The following CNTLN variants were observed in gnomAD, a reference collection of about 807,000 sequenced individuals.
CNTLN encodes centlein.
Under a neutral mutation model 180.0 loss-of-function variants are expected in CNTLN, and 212 were observed. That is an observed-to-expected ratio of 1.18 (90% CI 1.05 to 1.32). The LOEUF (loss-of-function observed/expected upper bound fraction) is 1.32. CNTLN is among the 40% of genes most tolerant of loss of function. The pLI is 0.00. For synonymous variants in CNTLN, 722 were observed against 563.1 expected (o/e 1.28, Z -3.99); for missense variants, 2,095 against 1,610.9 (o/e 1.30, Z -5.14).
At chr9:17,384,987 T>A (rs1052736328) in intron 13 of CNTLN, among the ~76,000 whole-genome samples, 1 of 152,214 alleles carries the variant, frequency 6.6e-6, no homozygotes, top group Non-Finnish European at 1.5e-5. Flanking sequence ...AGTCCCAGGT[T>A]TCCACCTGTA....
chr9:17,148,278 A>C (rs953708550), intron 2 of CNTLN, among the ~76,000 whole-genome samples: 4 of 152,348 alleles, frequency 2.6e-5, no homozygotes, highest in Non-Finnish European at 5.9e-5. Flanking sequence ...TCTAGTTATT[A>C]ACAGTAATGT....
chr9:17,429,616 T>C (rs920207052), intron 18 of CNTLN, among the ~76,000 whole-genome samples: 6 of 152,014 alleles, frequency 3.9e-5, no homozygotes, highest in African/African-American at 1.4e-4. Flanking sequence ...CATGAGTTAA[T>C]TGGATAAGAA....
chr9:17,210,831 C>T (rs1488291970), intron 2 of CNTLN, among the ~76,000 whole-genome samples: 1 of 152,142 alleles, frequency 6.6e-6, no homozygotes. Context: ...TTTCATGTGT[C>T]TGTTGGCTGC....
chr9:17,425,916 C>T (rs1250036359), intron 18 of CNTLN, among the ~76,000 whole-genome samples: 3 of 152,102 alleles, frequency 2.0e-5, no homozygotes, highest in African/African-American at 7.2e-5. Flanking sequence ...AATTATTAAG[C>T]ATAAGTATAC....
chr9:17,135,065 C>G lies in CNTLN; in HGVS notation c.-1C>G, dbSNP rs781205814. 2.5e-6 allele frequency: 4 copies of G among 1,595,650 alleles called. No individual in the cohort carries two copies. In the African/African-American group the frequency reaches 5.3e-5, roughly 21 times the overall value. ...AACTTGACCCGTTAGCAGCCGCAGC[C>G]ATGGCGGCGCGTTCGCCTCCCTCAC... On this transcript the variant is annotated 5_prime_UTR_variant, in exon 1 of 26. Transcript: ENST00000380647.
At chr9:17,346,406 A>G (rs10119370) in intron 12 of CNTLN, among the ~76,000 whole-genome samples, 90,868 of 151,954 alleles carry the variant, frequency 0.6, 27,446 homozygotes, top group East Asian at 0.73. Context: ...AACACCTAGG[A>G]GATTATGGGG....
At chr9:17,423,590 C>T (rs192109090) in intron 18 of CNTLN, among the ~76,000 whole-genome samples, 3 of 152,224 alleles carry the variant, frequency 2.0e-5, no homozygotes, top group East Asian at 1.9e-4. Context: ...GTTCAACTGG[C>T]TCCAAGCCCA....
At position 17,358,382 on chromosome 9, in the gene CNTLN, A is replaced by G. The variant is rs4961546; in HGVS notation, c.1887-8235A>G. ...AAAGTTGAATAACAGTATATATACT[A>G]TGATATAATTTCTAAGTGTAAAATG... On this transcript the variant is annotated intron_variant, in intron 12 of 25. Transcript: ENST00000380647. Among the ~76,000 whole-genome samples, 3,865 of 152,188 alleles carry G rather than the reference A, an allele frequency of 0.025. 209 individuals carry two copies. The East Asian group carries it at 0.26, about 10-fold the overall frequency.
At chr9:17,150,376 C>G (rs1407020900) in intron 2 of CNTLN, among the ~76,000 whole-genome samples, 1 of 152,184 alleles carries the variant, frequency 6.6e-6, no homozygotes. Flanking sequence ...TATGGCTAGC[C>G]AGTTTTCCCA....
At chr9:17,267,922 C>T (rs189172650) in intron 5 of CNTLN, among the ~76,000 whole-genome samples, 2 of 152,236 alleles carry the variant, frequency 1.3e-5, no homozygotes, top group African/African-American at 4.8e-5. Flanking sequence ...ATTAGTTGTT[C>T]TAGTTATCCA....
intron 19 of CNTLN, 125 bp downstream of exon 19, chr9:17,457,840 T>A: frequency 1.8e-6 from 1 of 557,140 alleles, no homozygotes; most frequent in Non-Finnish European, 2.8e-6. Flanking sequence ...AAAAAATTAT[T>A]AATATTGCCT....
chr9:17,336,568 T>C (rs778981865), intron 10 of CNTLN, among the ~76,000 whole-genome samples: 1 of 152,212 alleles, frequency 6.6e-6, no homozygotes, highest in Non-Finnish European at 1.5e-5. Context: ...TATCAAATGA[T>C]TTGCAAATAA....
At chr9:17,164,435 C>A (rs10962886) in intron 2 of CNTLN, among the ~76,000 whole-genome samples, 1 of 127,850 alleles carries the variant, frequency 7.8e-6, no homozygotes, top group Non-Finnish European at 1.6e-5. Context: ...AACATCAAAT[C>A]TATAGAACTC....
At chr9:17,464,896 A>G (rs567772683) in intron 21 of CNTLN, among the ~76,000 whole-genome samples, 2 of 151,348 alleles carry the variant, frequency 1.3e-5, no homozygotes, top group South Asian at 4.1e-4. Context: ...AGGATACATA[A>G]TTACATTTTA....
downstream of CNTLN, among the ~76,000 whole-genome samples, chr9:17,506,462 C>G (rs1251500049): frequency 6.6e-6 from 1 of 152,040 alleles, no homozygotes; most frequent in African/African-American, 2.4e-5. Context: ...ATGAAATAAG[C>G]TTGGGGCTAT....
the CNTLN span, among the ~76,000 whole-genome samples, chr9:17,517,449 AG>A: frequency 1.1e-3 from 165 of 152,216 alleles, 1 homozygote; most frequent in African/African-American, 3.8e-3. Flanking sequence ...ATGAAAAAAA[AG>A]AAATAAAGTC....
intron 6 of CNTLN, among the ~76,000 whole-genome samples, chr9:17,288,088 A>G (rs1829109555): frequency 7.5e-6 from 1 of 132,604 alleles, no homozygotes; most frequent in Non-Finnish European, 1.5e-5. Flanking sequence ...TAGTTCTTTT[A>G]ATTGTGATGT....
intron 5 of CNTLN, among the ~76,000 whole-genome samples, chr9:17,262,192 G>T (rs137894953): frequency 0.011 from 1,735 of 151,282 alleles, 59 homozygotes; most frequent in Admixed American, 0.064. Flanking sequence ...CTAGAACCAG[G>T]AACACCATTT....
intron 2 of CNTLN, among the ~76,000 whole-genome samples, chr9:17,189,719 G>T (rs1481203182): frequency 1.3e-5 from 2 of 151,324 alleles, no homozygotes; most frequent in Admixed American, 1.3e-4. Flanking sequence ...ACTCCTAACC[G>T]CAAGCTGGTC....
Sources: allele counts gnomAD v4.1 joint callset (sites outside exome capture counted in the v4.1 genomes callset), GRCh38; gene constraint gnomAD v4.1.1; transcripts MANE v1.5; gene names NCBI Gene and HGNC (gene_info 2026-07-23, HGNC 2026-07-21).